Variants in RBMS2 observed in about 807,000 individuals in gnomAD.
RBMS2 encodes the protein RNA binding motif single stranded interacting protein 2.
A neutral mutation model predicts 58.4 loss-of-function variants in RBMS2; 38 were observed. The observed-to-expected ratio is 0.65, with a 90% CI of 0.50 to 0.85. The LOEUF (loss-of-function observed/expected upper bound fraction) is 0.85. RBMS2 is among the 40% of genes least tolerant of loss of function. The probability of loss-of-function intolerance (pLI) is 0.00; values close to 1 mark genes in which losing one functional copy is unlikely to be tolerated. For missense variants in RBMS2, 367 were observed against 503.7 expected, an observed-to-expected ratio of 0.73 and a Z score of 2.60; for synonymous variants, 151 against 180.7, an observed-to-expected ratio of 0.84 and a Z score of 1.32.
rs1565796272 is a variant in RBMS2, at chr12:56,595,404, A to T, written c.*6271A>T. 6.6e-6 allele frequency: 1 copy of T among 152,114 alleles called. No homozygotes were observed. The highest frequency in any genetic ancestry group is 1.5e-5 in the Non-Finnish European group (1 of 67,958). 9.4% of individuals were successfully genotyped at this position (152,114 alleles called of 1,614,324 possible). A position where few individuals can be genotyped will look rare whatever the true frequency, so the allele number is the denominator to read the frequency against. ...GGACAGAAAATGTTTATACTTAAAC[A>T]GACATATTTTGCATATTTTTATCTG... On this transcript the variant is annotated 3_prime_UTR_variant, in exon 14 of 14. Coordinates refer to ENST00000262031, the MANE Select transcript of RBMS2 (RefSeq NM_002898.4).
In RBMS2 at chr12:56,522,077, AAAC is replaced by A. The variant is rs781172723; in HGVS notation, c.60_62del (p.Asn20del). 28 of 1,598,422 alleles carry A rather than the reference AAAC, an allele frequency of 1.8e-5. No individual in the cohort carries two copies. Among genetic ancestry groups the A allele is most frequent in the East Asian group, 4.5e-5 (2 of 44,648 alleles). Reference sequence around the variant, plus strand: ...GGATTTCGACTTTTGGCTACAATAGAAACAACAAGAAGGTAGGGAAAAGCGCTT... The same window carrying A: ...GGATTTCGACTTTTGGCTACAATAGAAACAAGAAGGTAGGGAAAAGCGCTT... On this transcript the variant is annotated inframe_deletion, in exon 1 of 14. Coordinates refer to ENST00000262031, the MANE Select transcript of RBMS2 (RefSeq NM_002898.4).
chr12:56,521,446 T>C (rs11838162), upstream of RBMS2, among the ~76,000 whole-genome samples: 4 of 88,386 alleles, frequency 4.5e-5, no homozygotes, highest in Non-Finnish European at 7.9e-5. Context: ...AAAAAAAAAA[T>C]CACTGTAAGT....
In RBMS2 at chr12:56,569,043, C is replaced by T. The variant is rs766008295; in HGVS notation, c.292+10C>T. 1 of 1,608,640 alleles carries T rather than the reference C, an allele frequency of 6.2e-7. No individual in the cohort carries two copies. The highest frequency in any genetic ancestry group is 1.1e-5 in the South Asian group (1 of 90,962). On this transcript the variant is annotated intron_variant, in intron 3 of 13. Coordinates refer to ENST00000262031, the MANE Select transcript of RBMS2 (RefSeq NM_002898.4). ...ACAAACAAATGTAAAGGTGAGAGAA[C>T]AACTGTCCTTGGTGTTGGAGAGCAC...
intron 5 of RBMS2, 67 bp from the exon 6 acceptor site, chr12:56,581,117 C>G: frequency 1.5e-6 from 2 of 1,330,064 alleles, no homozygotes; most frequent in Non-Finnish European, 2.2e-6. Context: ...GCTTTGCTTT[C>G]TCTTTCAATG....
intron 1 of RBMS2, among the ~76,000 whole-genome samples, chr12:56,534,063 A>T (rs2136269048): frequency 6.6e-6 from 1 of 152,260 alleles, no homozygotes; most frequent in East Asian, 1.9e-4. Context: ...CTAGTTCCAA[A>T]TCTGTGCTTG....
At position 56,532,961 on chromosome 12, in the gene RBMS2, G is replaced by T. The variant is rs544889723; in HGVS notation, c.66+10872G>T. ...ATTTTATTTTATTTTTTGAGACTGG[G>T]TCTCACTTTGTCACTCGGGCTGGAG... On this transcript the variant is annotated intron_variant, in intron 1 of 13. Transcript: ENST00000262031. Among the ~76,000 whole-genome samples, 4 of 151,740 alleles carry T rather than the reference G, an allele frequency of 2.6e-5. No homozygotes were observed. The East Asian group carries it at 7.7e-4, about 29-fold the overall frequency.
At chr12:56,553,346 A>T (rs965914438) in intron 1 of RBMS2, among the ~76,000 whole-genome samples, 17 of 149,594 alleles carry the variant, frequency 1.1e-4, no homozygotes, top group Admixed American at 3.4e-4. Flanking sequence ...TTGTGTGTGT[A>T]TGTGATAAAG....
intron 9 of RBMS2, among the ~76,000 whole-genome samples, chr12:56,582,772 G>A (rs1210155560): frequency 3.9e-5 from 6 of 152,152 alleles, no homozygotes; most frequent in African/African-American, 1.2e-4. Flanking sequence ...AGGTTCAGGC[G>A]ATTCTCCTGT....
At chr12:56,521,504 T>G (rs1194930012), upstream of RBMS2, among the ~76,000 whole-genome samples, 1 of 60,760 alleles carries the variant, frequency 1.6e-5, no homozygotes, top group East Asian at 3.8e-4. Context: ...CTAACTCTGT[T>G]TTTTTTTTTT....
At chr12:56,534,406 C>T (rs1300931935) in intron 1 of RBMS2, among the ~76,000 whole-genome samples, 2 of 151,982 alleles carry the variant, frequency 1.3e-5, no homozygotes, top group East Asian at 1.9e-4. Context: ...ATCAGGTATG[C>T]GAATATTCCA....
intron 9 of RBMS2, among the ~76,000 whole-genome samples, chr12:56,583,869 A>G (rs1261259840): frequency 6.6e-6 from 1 of 152,184 alleles, no homozygotes; most frequent in African/African-American, 2.4e-5. Context: ...GTAAGTATTA[A>G]TCTTCTAAAT....
At chr12:56,535,248 A>G (rs1056355698) in intron 1 of RBMS2, among the ~76,000 whole-genome samples, 5 of 152,064 alleles carry the variant, frequency 3.3e-5, no homozygotes, top group Admixed American at 2.6e-4. Context: ...TAACCTCAGC[A>G]CTTTGGGAGG....
At chr12:56,582,212 G>A (rs1565780041) in intron 9 of RBMS2, 60 bp downstream of exon 9, 2 of 1,403,334 alleles carry the variant, frequency 1.4e-6, no homozygotes. Context: ...TTTAAGTGAA[G>A]TAATATAAGG....
chr12:56,554,124 C>T (rs774300947), intron 1 of RBMS2, among the ~76,000 whole-genome samples: 2 of 152,128 alleles, frequency 1.3e-5, no homozygotes, highest in Admixed American at 6.6e-5. Flanking sequence ...CACACCCGGC[C>T]GAATTCTTCT....
chr12:56,554,105 G>T (rs371570095), intron 1 of RBMS2, among the ~76,000 whole-genome samples: 2 of 152,102 alleles, frequency 1.3e-5, no homozygotes, highest in South Asian at 4.1e-4. Flanking sequence ...GATTATAGGC[G>T]TGAGCCACCA....
intron 1 of RBMS2, among the ~76,000 whole-genome samples, chr12:56,527,164 A>T (rs1033122501): frequency 2.6e-5 from 4 of 152,232 alleles, no homozygotes; most frequent in African/African-American, 9.6e-5. Context: ...TTCTAACAGG[A>T]TAGAGAATTT....
chr12:56,556,465 T>TC (rs1256578558), intron 1 of RBMS2, among the ~76,000 whole-genome samples: 1 of 150,660 alleles, frequency 6.6e-6, no homozygotes, highest in Non-Finnish European at 1.5e-5. Context: ...AACCTCTGCC[T>TC]CCCGAGTTCA....
chr12:56,573,614 C>G (rs554471090), intron 5 of RBMS2, among the ~76,000 whole-genome samples: 1 of 152,026 alleles, frequency 6.6e-6, no homozygotes, highest in African/African-American at 2.4e-5. Context: ...TTGGGACCAT[C>G]GAACTTATTT....
chr12:56,526,174 G>A (rs1174748797), intron 1 of RBMS2, among the ~76,000 whole-genome samples: 1 of 151,776 alleles, frequency 6.6e-6, no homozygotes, highest in Non-Finnish European at 1.5e-5. Context: ...GGGTATGGTG[G>A]TGCACGCCTG....
Sources: allele counts gnomAD v4.1 joint callset (sites outside exome capture counted in the v4.1 genomes callset), GRCh38; gene constraint gnomAD v4.1.1; transcripts MANE v1.5; gene names NCBI Gene and HGNC (gene_info 2026-07-23, HGNC 2026-07-21).